ZMIZ1: variants seen among roughly 807,000 people sequenced by gnomAD.
ZMIZ1 encodes zinc finger MIZ domain-containing protein 1.
In ZMIZ1, 17 loss-of-function variants were observed where a neutral mutation model predicts 113.9. That is an observed-to-expected ratio of 0.15 (90% confidence interval 0.10 to 0.22). The LOEUF (loss-of-function observed/expected upper bound fraction) is 0.22. Among genes scored for constraint, ZMIZ1 ranks in the 10% least tolerant of loss-of-function variants. The probability of loss-of-function intolerance (pLI) is 1.00; values close to 1 mark genes in which losing one functional copy is unlikely to be tolerated. For missense variants in ZMIZ1, 1,059 were observed against 1,477.8 expected (o/e 0.72, Z 4.65); for synonymous variants, 607 against 603.1 (o/e 1.01, Z -0.09).
chr10:79,315,398 TC>T lies in ZMIZ1; in HGVS notation c.*2651del, dbSNP rs575783001. ...GAACTCTGGAGAGATCCTTCCCTGA[TC>T]CTTTCGGACGACTACTTGGAGCCAT... On this transcript the variant is annotated 3_prime_UTR_variant, in exon 25 of 25. Transcript: ENST00000334512. The T allele has an allele frequency of 1.3e-5, 2 of 152,744 alleles. No individual in the cohort carries two copies. Among genetic ancestry groups the T allele is most frequent in the South Asian group, 4.1e-4 (2 of 4,822 alleles). The allele number at this position is 152,744 out of a possible 1,614,324, so 9.5% of individuals were successfully genotyped here. A position where few individuals can be genotyped will look rare whatever the true frequency, so the allele number is the denominator to read the frequency against.
intron 1 of ZMIZ1, among the ~76,000 whole-genome samples, chr10:79,107,829 G>C (rs1019451882): frequency 6.6e-6 from 1 of 152,206 alleles, no homozygotes; most frequent in Non-Finnish European, 1.5e-5. Flanking sequence ...CTCTGCTGTA[G>C]GGTGGAGGTG....
chr10:79,181,870 A>G (rs1414602241), intron 4 of ZMIZ1, among the ~76,000 whole-genome samples: 1 of 151,816 alleles, frequency 6.6e-6, no homozygotes, highest in African/African-American at 2.4e-5. Flanking sequence ...CACCACCACC[A>G]CAGCCACCGC....
intron 1 of ZMIZ1, among the ~76,000 whole-genome samples, chr10:79,073,115 G>A (rs1842348587): frequency 6.6e-6 from 1 of 152,188 alleles, no homozygotes; most frequent in Non-Finnish European, 1.5e-5. Flanking sequence ...ATGGGCGAGA[G>A]GACCAAGGTG....
chr10:79,154,278 G>C (rs1327674002), intron 3 of ZMIZ1, among the ~76,000 whole-genome samples: 3 of 152,144 alleles, frequency 2.0e-5, no homozygotes, highest in Non-Finnish European at 4.4e-5. Flanking sequence ...CTTGCACTCA[G>C]AGCTTCCCAA....
chr10:79,194,905 C>T (rs1280342140), intron 4 of ZMIZ1, among the ~76,000 whole-genome samples: 1 of 152,240 alleles, frequency 6.6e-6, no homozygotes, highest in African/African-American at 2.4e-5. Flanking sequence ...TCCCGAAAGA[C>T]GTCCCACGGG....
At chr10:79,274,102 A>G (rs993291150) in intron 7 of ZMIZ1, among the ~76,000 whole-genome samples, 4 of 152,152 alleles carry the variant, frequency 2.6e-5, no homozygotes, top group Middle Eastern at 6.8e-3. Flanking sequence ...GGCCCACAGG[A>G]CAAGGGACAG....
At chr10:79,102,152 A>G (rs1386152863) in intron 1 of ZMIZ1, among the ~76,000 whole-genome samples, 1 of 152,150 alleles carries the variant, frequency 6.6e-6, no homozygotes, top group Non-Finnish European at 1.5e-5. Flanking sequence ...TCCACCTACA[A>G]ACAACCCAAG....
At chr10:79,209,285 A>G (rs1328585261) in intron 6 of ZMIZ1, among the ~76,000 whole-genome samples, 1 of 152,208 alleles carries the variant, frequency 6.6e-6, no homozygotes, top group African/African-American at 2.4e-5. Context: ...TGGAACCCAG[A>G]GAACAGGAAG....
At chr10:79,163,775 C>T (rs1267863697) in intron 4 of ZMIZ1, among the ~76,000 whole-genome samples, 1 of 152,254 alleles carries the variant, frequency 6.6e-6, no homozygotes, top group Admixed American at 6.5e-5. Context: ...CCCGCCAAGT[C>T]CGCTGCTCTC....
chr10:79,185,051 C>T (rs1361766246), intron 4 of ZMIZ1, among the ~76,000 whole-genome samples: 1 of 152,148 alleles, frequency 6.6e-6, no homozygotes, highest in Non-Finnish European at 1.5e-5. Flanking sequence ...CATTTTTGCA[C>T]CTCTCCTACC....
intron 2 of ZMIZ1, among the ~76,000 whole-genome samples, chr10:79,128,980 C>T (rs1844635200): frequency 1.3e-5 from 2 of 152,162 alleles, no homozygotes; most frequent in South Asian, 2.1e-4. Flanking sequence ...GCAACATATG[C>T]ACAGTACTTA....
chr10:79,267,080 G>C (rs1358686324), intron 7 of ZMIZ1, among the ~76,000 whole-genome samples: 3 of 152,268 alleles, frequency 2.0e-5, no homozygotes, highest in Non-Finnish European at 2.9e-5. Flanking sequence ...CACTCCAGAG[G>C]AGGAAGGGGT....
intron 7 of ZMIZ1, among the ~76,000 whole-genome samples, chr10:79,220,087 C>T (rs1480611855): frequency 2.0e-5 from 3 of 152,222 alleles, no homozygotes; most frequent in Non-Finnish European, 4.4e-5. Flanking sequence ...AAGTCCCAGA[C>T]ATGGCACCGG....
At chr10:79,114,414 G>A (rs527947793) in intron 1 of ZMIZ1, among the ~76,000 whole-genome samples, 11 of 152,222 alleles carry the variant, frequency 7.2e-5, no homozygotes, top group Admixed American at 1.3e-4. Context: ...GGCTGGGAGT[G>A]GGGGAAGGCG....
chr10:79,213,740 A>G (rs2132703320), intron 6 of ZMIZ1, among the ~76,000 whole-genome samples: 1 of 152,346 alleles, frequency 6.6e-6, no homozygotes, highest in South Asian at 2.1e-4. Flanking sequence ...AAGTCTTAGC[A>G]CAGAAAGAGC....
intron 7 of ZMIZ1, among the ~76,000 whole-genome samples, chr10:79,271,425 G>A (rs2131948728): frequency 6.6e-6 from 1 of 152,326 alleles, no homozygotes; most frequent in East Asian, 1.9e-4. Context: ...GTGCAGGAAG[G>A]TTAAGTCACT....
chr10:79,174,839 T>A (rs947599355), intron 4 of ZMIZ1, among the ~76,000 whole-genome samples: 3 of 152,150 alleles, frequency 2.0e-5, no homozygotes, highest in African/African-American at 7.2e-5. Flanking sequence ...CCCCTTTGGA[T>A]GGGAGAAACT....
At chr10:79,138,966 A>G (rs1021354454) in intron 2 of ZMIZ1, among the ~76,000 whole-genome samples, 22 of 152,164 alleles carry the variant, frequency 1.4e-4, no homozygotes, top group Non-Finnish European at 2.9e-4. Context: ...CAAGAATCCT[A>G]AAGAGCGTGG....
intron 24 of ZMIZ1, 82 bp downstream of exon 24, chr10:79,311,266 G>C: frequency 7.3e-7 from 1 of 1,366,464 alleles, no homozygotes; most frequent in Non-Finnish European, 9.7e-7. Flanking sequence ...GGGTGTGAGG[G>C]CTCGAGGCCC....
Sources: allele counts gnomAD v4.1 joint callset (sites outside exome capture counted in the v4.1 genomes callset), GRCh38; gene constraint gnomAD v4.1.1; transcripts MANE v1.5; gene names NCBI Gene and HGNC (gene_info 2026-07-23, HGNC 2026-07-21).